Variants in THBS1 observed in about 807,000 individuals in gnomAD.
The protein encoded by THBS1 is thrombospondin-1.
In THBS1, 29 loss-of-function variants were observed where a neutral mutation model predicts 126.1. That is an observed-to-expected ratio of 0.23 (90% CI 0.17 to 0.31). The LOEUF is 0.31. Among genes scored for constraint, THBS1 ranks in the 10% least tolerant of loss-of-function variants. THBS1 has a pLI of 1.00. For synonymous variants in THBS1, 496 were observed against 577.8 expected, an observed-to-expected ratio of 0.86 and a Z score of 2.03; for missense variants, 1,198 against 1,545.2, an observed-to-expected ratio of 0.78 and a Z score of 3.77.
intron 7 of THBS1, chr15:39,586,450 C>T (rs1890209741): frequency 6.6e-6 from 1 of 152,246 alleles, no homozygotes; most frequent in Non-Finnish European, 1.5e-5. Context: ...CTAATGACCA[C>T]AGAAAGTAAG....
rs757452537 is a variant in THBS1, at chr15:39,599,124, C to G, written c.*3755C>G. 4 of 152,076 alleles carry G rather than the reference C, an allele frequency of 2.6e-5. No individual in the cohort carries two copies. Among genetic ancestry groups the G allele is most frequent in the Non-Finnish European group, 5.9e-5 (4 of 68,008 alleles). The allele number at this position is 152,076 out of a possible 1,614,324, so 9.4% of individuals were successfully genotyped here. ...ATTTTTAGTAAAGACGGGGTTTCAC[C>G]TTGTTCCGGACAAACACTAAGCCCT... On this transcript the variant is annotated 3_prime_UTR_variant, in exon 22 of 22. Coordinates refer to ENST00000260356, the MANE Select transcript of THBS1 (RefSeq NM_003246.4).
intron 7 of THBS1, 172 bp from the exon 8 acceptor site, chr15:39,587,175 A>G (rs2140346038): frequency 3.6e-6 from 2 of 549,204 alleles, no homozygotes; most frequent in East Asian, 2.9e-5. Flanking sequence ...AAAACATCAC[A>G]TTATACACCT....
chr15:39,593,066 T>A lies in THBS1; in HGVS notation c.2834T>A (p.Ile945Asn), dbSNP rs762216357. The A allele has an allele frequency of 6.2e-7, 1 of 1,606,828 alleles. No homozygotes were observed. The highest frequency in any genetic ancestry group is 2.2e-5 in the East Asian group (1 of 44,876). Reference protein sequence around the residue: ...DHDSVPDIDDICPENVDISET... With the variant: ...DHDSVPDIDDNCPENVDISET... ...GACAGTGTGCCAGACATCGATGACATCTGTCCTGAGAATGTTGACATCAGT... is the reference window on the plus strand; with the variant it reads ...GACAGTGTGCCAGACATCGATGACAACTGTCCTGAGAATGTTGACATCAGT... The change falls in exon 18 of 22, where the codon ATC (isoleucine) becomes AAC (asparagine). Residue 945 changes from isoleucine (I) to asparagine (N), a missense_variant. By Grantham distance (149) the Ile-to-Asn change is moderately radical. Transcript: ENST00000260356. This position sits in a 1 kb window ranked among gnomAD's most constrained non-coding sequence, Gnocchi z 5.9.
Position 39,593,975 on chromosome 15 carries a change from C to T in THBS1, c.3268-124C>T. 1 of 1,057,248 alleles carries T rather than the reference C, an allele frequency of 9.5e-7. No individual in the cohort carries two copies. The highest frequency in any genetic ancestry group is 1.3e-6 in the Non-Finnish European group (1 of 741,236). 65.5% of individuals were successfully genotyped at this position (1,057,248 alleles called of 1,614,324 possible). A position where few individuals can be genotyped will look rare whatever the true frequency, so the allele number is the denominator to read the frequency against. ...AAATATGAGAGGACTTGGAAAAATT[C>T]CCCATTGCAGCCCTCTAACTTAGAT... On this transcript the variant is annotated intron_variant, in intron 19 of 21. Coordinates refer to ENST00000260356, the MANE Select transcript of THBS1 (RefSeq NM_003246.4). This position sits in a 1 kb window ranked among gnomAD's most constrained non-coding sequence, Gnocchi z 5.9.
In THBS1 at chr15:39,593,466, A is replaced by C; in HGVS notation, c.3065A>C (p.Tyr1022Ser). 1 of 1,614,120 alleles carries C rather than the reference A, an allele frequency of 6.2e-7. No individual in the cohort carries two copies. The highest frequency in any genetic ancestry group is 8.5e-7 in the Non-Finnish European group (1 of 1,180,016). Residue 1022 changes from tyrosine to serine, a missense_variant, in exon 19 of 22, where the codon TAT becomes TCT. This residue lies in a region of THBS1 where 255 missense variants were observed against 373.9 expected (regional missense o/e 0.68). Transcript: ENST00000260356. This position sits in a 1 kb window ranked among gnomAD's most constrained non-coding sequence, Gnocchi z 5.9. The part of the protein sequence containing the change: ...FFINTERDDD[Y>S]AGFVFGYQSS... ...ATCAACACCGAAAGGGACGATGACT[A>C]TGCTGGATTTGTCTTTGGCTACCAG... is the stretch of plus-strand genomic sequence containing the variant.
At position 39,598,649 on chromosome 15, in the gene THBS1, A is replaced by T. The variant is rs1890534165; in HGVS notation, c.*3280A>T. The T allele has an allele frequency of 6.6e-6, 1 of 152,242 alleles. No individual in the cohort carries two copies. The highest frequency in any genetic ancestry group is 1.5e-5 in the Non-Finnish European group (1 of 68,046). The allele number at this position is 152,242 out of a possible 1,614,324, so 9.4% of individuals were successfully genotyped here. A position where few individuals can be genotyped will look rare whatever the true frequency, so the allele number is the denominator to read the frequency against. On this transcript the variant is annotated 3_prime_UTR_variant, in exon 22 of 22. Coordinates refer to ENST00000260356, the MANE Select transcript of THBS1 (RefSeq NM_003246.4). ...TTCACCCTAAGACTGACCTTCAAATAATCAGGTTGTACTGAAATAAAGGAC... is the reference window on the plus strand; with the variant it reads ...TTCACCCTAAGACTGACCTTCAAATTATCAGGTTGTACTGAAATAAAGGAC...
At chr15:39,584,537 CAA>C in intron 6 of THBS1, 115 bp downstream of exon 6, 3 of 1,377,996 alleles carry the variant, frequency 2.2e-6, no homozygotes, top group Non-Finnish European at 2.9e-6. Flanking sequence ...GGCCTGATAA[CAA>C]AGTGTTTTTT....
In THBS1 at chr15:39,588,519, C is replaced by G. The variant is rs1348498289; in HGVS notation, c.1472-7C>G. 1 of 1,541,898 alleles carries G rather than the reference C, an allele frequency of 6.5e-7. No homozygotes were observed. ...TTAATTGTTGCCTGTGGTTCATCTT[C>G]TTACAGTCAATGGAGGCTGGGGTCC... On this transcript the variant is annotated splice_region_variant and splice_polypyrimidine_tract_variant and intron_variant, in intron 9 of 21. Transcript: ENST00000260356.
rs1890458948 is a variant in THBS1 at position 39,596,853 on chromosome 15, A to G, written c.*1484A>G. The stretch of plus-strand genomic sequence containing the variant: ...TTCTTTCATTTTTCCAAAAGAGAAA[A>G]AAATGACAAAAGGTGAAACTTACAT... On this transcript the variant is annotated 3_prime_UTR_variant, in exon 22 of 22. Coordinates refer to ENST00000260356, the MANE Select transcript of THBS1 (RefSeq NM_003246.4). 6.6e-6 allele frequency: 1 copy of G among 152,238 alleles called. No individual in the cohort carries two copies. Among genetic ancestry groups the G allele is most frequent in the African/African-American group, 2.4e-5 (1 of 41,460 alleles). 9.4% of individuals were successfully genotyped at this position (152,238 alleles called of 1,614,324 possible).
intron 13 of THBS1, 105 bp downstream of exon 13, chr15:39,590,128 G>C: frequency 9.1e-7 from 1 of 1,093,790 alleles, no homozygotes; most frequent in Middle Eastern, 3.1e-4. Context: ...GAAACTGAAA[G>C]ATTAAATCTC....
In THBS1 at chr15:39,589,667, G is replaced by A; in HGVS notation, c.1927-138G>A. ...TTTGCTTATAGCCTCAGGGAGAATG[G>A]GGAGGGACAGAGGTAACCCACACTC... On this transcript the variant is annotated intron_variant, in intron 12 of 21. Transcript: ENST00000260356. This position sits in a 1 kb window ranked among gnomAD's most constrained non-coding sequence, Gnocchi z 4.7. 1 of 983,292 alleles carries A rather than the reference G, an allele frequency of 1.0e-6. No homozygotes were observed. Among genetic ancestry groups the A allele is most frequent in the Non-Finnish European group, 1.4e-6 (1 of 690,428 alleles). 60.9% of individuals were successfully genotyped at this position (983,292 alleles called of 1,614,324 possible).
At chr15:39,586,323 G>A (rs983012425) in intron 7 of THBS1, among the ~76,000 whole-genome samples, 4 of 152,152 alleles carry the variant, frequency 2.6e-5, no homozygotes, top group African/African-American at 4.8e-5. Context: ...TGTAATGGTC[G>A]TTTTTACATT....
In THBS1 at chr15:39,583,612, C is replaced by T. The variant is rs532876871; in HGVS notation, c.628-5C>T. ...CTACAAGTAATGTGTGTCCTCTGCC[C>T]ACAGGGGGTGCTGCAGAATGTGAGG... On this transcript the variant is annotated splice_polypyrimidine_tract_variant and splice_region_variant and intron_variant, in intron 3 of 21. Coordinates refer to ENST00000260356, the MANE Select transcript of THBS1 (RefSeq NM_003246.4). 1 of 1,613,228 alleles carries T rather than the reference C, an allele frequency of 6.2e-7. No homozygotes were observed. The highest frequency in any genetic ancestry group is 1.3e-5 in the African/African-American group (1 of 74,894).
chr15:39,592,476 A>G lies in THBS1; in HGVS notation c.2533-92A>G, dbSNP rs189642836. The G allele has an allele frequency of 5.8e-6, 6 of 1,035,440 alleles. No homozygotes were observed. The African/African-American group carries it at 9.5e-5, about 16-fold the overall frequency. 64.1% of individuals were successfully genotyped at this position (1,035,440 alleles called of 1,614,324 possible). Reference sequence around the variant, plus strand: ...GACACCCCACTGGCTGTATCAAACAATGGAGAATTTTCCCTGTGGTGGGGG... The same window carrying G: ...GACACCCCACTGGCTGTATCAAACAGTGGAGAATTTTCCCTGTGGTGGGGG... On this transcript the variant is annotated intron_variant, in intron 16 of 21. Transcript: ENST00000260356. The surrounding 1 kb of genome is among the most constrained non-coding windows in gnomAD (Gnocchi z 4.3).
rs750346980 is a variant in THBS1, at chr15:39,593,243, T to C, written c.2995+16T>C. 4 of 1,612,972 alleles carry C rather than the reference T, an allele frequency of 2.5e-6. No homozygotes were observed. In the Admixed American group the frequency reaches 6.7e-5, roughly 27 times the overall value. The stretch of plus-strand genomic sequence containing the variant: ...CTCGCTGTAGGTGAGTAGCGAGTTC[T>C]TAGATCCTAAGAGACTGATGCATAC... On this transcript the variant is annotated intron_variant, in intron 18 of 21. Coordinates refer to ENST00000260356, the MANE Select transcript of THBS1 (RefSeq NM_003246.4). This position sits in a 1 kb window ranked among gnomAD's most constrained non-coding sequence, Gnocchi z 5.9.
intron 14 of THBS1, chr15:39,590,857 T>G (rs1241354455): frequency 3.7e-6 from 2 of 547,900 alleles, no homozygotes; most frequent in Non-Finnish European, 6.4e-6. Context: ...ACTTGAGAAA[T>G]TATAATGCAT....
At position 39,597,865 on chromosome 15, in the gene THBS1, A is replaced by G. The variant is rs1890510842; in HGVS notation, c.*2496A>G. On this transcript the variant is annotated 3_prime_UTR_variant, in exon 22 of 22. Coordinates refer to ENST00000260356, the MANE Select transcript of THBS1 (RefSeq NM_003246.4). Reference sequence around the variant, plus strand: ...CACAGCGACATTTTCTGACCCACGAATGATGCCTTGGGTGGGCAACACGAT... The same window carrying G: ...CACAGCGACATTTTCTGACCCACGAGTGATGCCTTGGGTGGGCAACACGAT... The G allele has an allele frequency of 6.6e-6, 1 of 152,222 alleles. No homozygotes were observed. The highest frequency in any genetic ancestry group is 6.5e-5 in the Admixed American group (1 of 15,272). 9.4% of individuals were successfully genotyped at this position (152,222 alleles called of 1,614,324 possible). A position where few individuals can be genotyped will look rare whatever the true frequency, so the allele number is the denominator to read the frequency against.
intron 1 of THBS1, 185 bp from the exon 2 acceptor site, chr15:39,581,644 C>G: frequency 2.3e-6 from 1 of 430,278 alleles, no homozygotes; most frequent in South Asian, 4.7e-5. Flanking sequence ...CTCCACCTCT[C>G]TCTCTCTCTC....
rs1890293907 is a variant in THBS1, at chr15:39,589,933, T to C, written c.2055T>C (p.Asn685=). 4.3e-6 allele frequency: 7 copies of C among 1,614,128 alleles called. No homozygotes were observed. In the East Asian group the frequency reaches 1.6e-4, roughly 36 times the overall value. The change falls in exon 13 of 22, where the codon AAT becomes AAC. Residue 685 remains asparagine, a synonymous_variant. Coordinates refer to ENST00000260356, the MANE Select transcript of THBS1 (RefSeq NM_003246.4). The surrounding 1 kb of genome is among the most constrained non-coding windows in gnomAD (Gnocchi z 4.7). ...AGTGCAAGCCTGGCTACGCTGGCAA[T>C]GGCATCATCTGCGGGGAGGACACAG... ...RCECKPGYAG[N]GIICGEDTDL... is the part of the protein sequence containing the mutation.
Sources: gnomAD v4.1 joint callset for allele counts (sites outside exome capture counted in the v4.1 genomes callset) on GRCh38, gnomAD v4.1.1 for gene constraint, gnomAD v4.1.1 regional missense constraint, Gnocchi (gnomAD v3.1) non-coding constraint, MANE v1.5 for transcripts, NCBI Gene and HGNC (gene_info 2026-07-23, HGNC 2026-07-21) for gene names.